LGSN: variants seen among roughly 807,000 people sequenced by gnomAD.
LGSN encodes the protein lengsin.
In LGSN, 21 loss-of-function variants were observed where a neutral mutation model predicts 19.5. The ratio of observed to expected loss-of-function variants is 1.07; its 90% CI spans 0.76 to 1.55. The LOEUF is 1.55. Among genes scored for constraint, LGSN ranks in the 40% most tolerant of loss-of-function variants. The probability of loss-of-function intolerance (pLI) is 0.00; values close to 1 mark genes in which losing one functional copy is unlikely to be tolerated. For synonymous variants in LGSN, 257 were observed against 215.6 expected (o/e 1.19, Z -1.68); for missense variants, 673 against 608.5 (o/e 1.11, Z -1.12).
chr6:63,411,848 A>T, the LGSN span, among the ~76,000 whole-genome samples: 1 of 152,096 alleles, frequency 6.6e-6, no homozygotes, highest in South Asian at 2.1e-4. Flanking sequence ...CCCTGTCTCA[A>T]AAAAGAAAAA....
chr6:63,445,345 C>T, the LGSN span, among the ~76,000 whole-genome samples: 3 of 151,640 alleles, frequency 2.0e-5, no homozygotes, highest in African/African-American at 4.8e-5. Flanking sequence ...TGGTCAGGCA[C>T]GGTGGCTCAC....
chr6:63,541,531 C>A, the LGSN span, among the ~76,000 whole-genome samples: 2 of 151,966 alleles, frequency 1.3e-5, no homozygotes, highest in African/African-American at 2.4e-5. Flanking sequence ...CCAGCCTGGG[C>A]GACCTTGTCT....
chr6:63,312,103 T>G (rs1241145453), intron 1 of LGSN, among the ~76,000 whole-genome samples: 1 of 152,228 alleles, frequency 6.6e-6, no homozygotes, highest in African/African-American at 2.4e-5. Flanking sequence ...ATGCCTGGGC[T>G]AAGCTAATTA....
chr6:63,562,021 G>A, the LGSN span, among the ~76,000 whole-genome samples: 1 of 151,938 alleles, frequency 6.6e-6, no homozygotes, highest in African/African-American at 2.4e-5. Flanking sequence ...ACAAAATATA[G>A]GAAGTTATAA....
chr6:63,362,580 C>T, the LGSN span, among the ~76,000 whole-genome samples: 1 of 152,226 alleles, frequency 6.6e-6, no homozygotes, highest in African/African-American at 2.4e-5. Flanking sequence ...GTCTCACACC[C>T]ACAGAGCCTC....
the LGSN span, among the ~76,000 whole-genome samples, chr6:63,447,502 A>G: frequency 6.6e-6 from 1 of 152,246 alleles, no homozygotes; most frequent in Non-Finnish European, 1.5e-5. Flanking sequence ...AGTAATATGT[A>G]TATGAAATAA....
intron 1 of LGSN, 44 bp downstream of exon 1, chr6:63,319,870 T>C (rs1307566726): frequency 1.4e-6 from 2 of 1,389,664 alleles, no homozygotes; most frequent in Middle Eastern, 3.6e-4. Flanking sequence ...AAAGATTTAC[T>C]GTCAATATTT....
At chr6:63,396,080 C>T in the LGSN span, 29 of 154,322 alleles carry the variant, frequency 1.9e-4, no homozygotes, top group Middle Eastern at 0.012. Context: ...TTTGCAGAGA[C>T]GGCAGGTCTG....
At chr6:63,356,600 C>T in the LGSN span, among the ~76,000 whole-genome samples, 1 of 151,906 alleles carries the variant, frequency 6.6e-6, no homozygotes, top group Non-Finnish European at 1.5e-5. Flanking sequence ...ATAAAAGTAA[C>T]AGTCAAGAGA....
the LGSN span, among the ~76,000 whole-genome samples, chr6:63,446,173 C>G: frequency 6.9e-6 from 1 of 144,024 alleles, no homozygotes; most frequent in East Asian, 2.1e-4. Context: ...TCATTTGAAC[C>G]TGGGAGGCAG....
At chr6:63,448,652 AT>A in the LGSN span, among the ~76,000 whole-genome samples, 1 of 149,236 alleles carries the variant, frequency 6.7e-6, no homozygotes, top group East Asian at 2.0e-4. Context: ...TTAAATCCAC[AT>A]TTTTTTATTT....
chr6:63,518,585 G>A, the LGSN span, among the ~76,000 whole-genome samples: 1 of 152,118 alleles, frequency 6.6e-6, no homozygotes, highest in African/African-American at 2.4e-5. Context: ...AAAAAGAAAT[G>A]TAATGCTCAG....
At chr6:63,453,387 C>T in the LGSN span, among the ~76,000 whole-genome samples, 1 of 152,130 alleles carries the variant, frequency 6.6e-6, no homozygotes, top group Admixed American at 6.6e-5. Context: ...TATACAACTA[C>T]AATTGTAGAT....
At chr6:63,513,272 A>G in the LGSN span, among the ~76,000 whole-genome samples, 2 of 152,208 alleles carry the variant, frequency 1.3e-5, no homozygotes, top group Non-Finnish European at 2.9e-5. Context: ...AAACCTCCAG[A>G]AGCCTCCTAT....
chr6:63,465,091 T>TGTG, the LGSN span, among the ~76,000 whole-genome samples: 2 of 151,934 alleles, frequency 1.3e-5, no homozygotes, highest in Non-Finnish European at 2.9e-5. Context: ...CCCATGCTCT[T>TGTG]GTGGTTATTC....
At chr6:63,358,063 C>T in the LGSN span, among the ~76,000 whole-genome samples, 407 of 150,364 alleles carry the variant, frequency 2.7e-3, 3 homozygotes, top group African/African-American at 7.4e-3. Flanking sequence ...CTAGCCAGTT[C>T]TCCCAGCACC....
At chr6:63,545,713 A>G in the LGSN span, among the ~76,000 whole-genome samples, 1 of 152,152 alleles carries the variant, frequency 6.6e-6, no homozygotes. Flanking sequence ...GTTTCCTTTT[A>G]GAGGAAAACA....
At chr6:63,322,936 G>A (rs539661436), upstream of LGSN, among the ~76,000 whole-genome samples, 1 of 152,210 alleles carries the variant, frequency 6.6e-6, no homozygotes, top group South Asian at 2.1e-4. Context: ...CTGCCCCTTC[G>A]ATAAACCTAA....
At chr6:63,465,849 C>T in the LGSN span, among the ~76,000 whole-genome samples, 1 of 152,042 alleles carries the variant, frequency 6.6e-6, no homozygotes, top group Non-Finnish European at 1.5e-5. Context: ...GATTCTGTTC[C>T]ACCCAGAAGA....
Sources: allele counts gnomAD v4.1 joint callset (sites outside exome capture counted in the v4.1 genomes callset), GRCh38; gene constraint gnomAD v4.1.1; transcripts MANE v1.5; gene names NCBI Gene and HGNC (gene_info 2026-07-23, HGNC 2026-07-21).